Variants in ARMH4 observed in about 807,000 individuals in gnomAD.
The protein encoded by ARMH4 is armadillo like helical domain containing 4.
Under a neutral mutation model 61.9 loss-of-function variants are expected in ARMH4, and 49 were observed. The ratio of observed to expected loss-of-function variants is 0.79; its 90% CI spans 0.63 to 1.00. The LOEUF (loss-of-function observed/expected upper bound fraction) is 1.00, where lower values mean the gene tolerates loss of function less well. ARMH4 is among the 50% of genes least tolerant of loss of function. The pLI, the probability that ARMH4 is intolerant of heterozygous loss-of-function variation, is 0.00. For missense variants in ARMH4, 934 were observed against 930.0 expected (o/e 1.00, Z -0.06); for synonymous variants, 368 against 341.5 (o/e 1.08, Z -0.85).
chr14:58,041,453 A>G (rs1030383993), intron 5 of ARMH4, among the ~76,000 whole-genome samples: 2 of 152,206 alleles, frequency 1.3e-5, no homozygotes, highest in African/African-American at 4.8e-5. Context: ...AACACTAAAC[A>G]TGGAAAGGAA....
intron 2 of ARMH4, 81 bp from the exon 3 acceptor site, chr14:58,133,422 TGGG>T (rs1887195149): frequency 2.5e-6 from 3 of 1,212,504 alleles, no homozygotes; most frequent in Middle Eastern, 3.0e-4. Context: ...ATTAAAAACT[TGGG>T]GGGAGGGGAG....
chr14:58,046,411 C>T (rs546684686), intron 5 of ARMH4, among the ~76,000 whole-genome samples: 1 of 152,280 alleles, frequency 6.6e-6, no homozygotes, highest in South Asian at 2.1e-4. Flanking sequence ...CTTCCAAGAA[C>T]ACTTACAAAA....
At chr14:58,082,867 C>T (rs1328806242) in intron 5 of ARMH4, among the ~76,000 whole-genome samples, 1 of 152,160 alleles carries the variant, frequency 6.6e-6, no homozygotes, top group African/African-American at 2.4e-5. Context: ...TATGTACTGC[C>T]ATCACCCCCT....
intron 6 of ARMH4, among the ~76,000 whole-genome samples, chr14:58,009,836 A>G (rs1003603505): frequency 7.0e-6 from 1 of 143,672 alleles, no homozygotes. Context: ...AAAGAGAGAG[A>G]GAGAGAGATA....
chr14:58,151,987 C>A (rs1254180083), intron 1 of ARMH4, 88 bp downstream of exon 1: 4 of 152,362 alleles, frequency 2.6e-5, no homozygotes, highest in Admixed American at 2.6e-4. Flanking sequence ...AGCGACCCCA[C>A]GCCACTGAGG....
chr14:58,026,802 T>C (rs992028008), intron 5 of ARMH4, among the ~76,000 whole-genome samples: 3 of 152,118 alleles, frequency 2.0e-5, no homozygotes, highest in Admixed American at 6.6e-5. Flanking sequence ...TTATATAAAT[T>C]TGGGGGCTTC....
chr14:58,130,112 G>A (rs566807377), intron 4 of ARMH4, among the ~76,000 whole-genome samples: 1 of 152,146 alleles, frequency 6.6e-6, no homozygotes, highest in Non-Finnish European at 1.5e-5. Context: ...AAGCTGTCAT[G>A]TCTAACTCAG....
At chr14:58,095,759 G>A (rs1195081743) in intron 5 of ARMH4, among the ~76,000 whole-genome samples, 1 of 152,152 alleles carries the variant, frequency 6.6e-6, no homozygotes, top group Non-Finnish European at 1.5e-5. Flanking sequence ...ATTACATCCA[G>A]AGCAAAGGCC....
At chr14:58,132,864 C>T (rs1887162397) in intron 3 of ARMH4, among the ~76,000 whole-genome samples, 1 of 152,138 alleles carries the variant, frequency 6.6e-6, no homozygotes, top group African/African-American at 2.4e-5. Flanking sequence ...GGATTACAGG[C>T]GTGAGCCACT....
At position 58,124,541 on chromosome 14, in the gene ARMH4, T is replaced by G. The variant is rs536317589; in HGVS notation, c.1831+6971A>C. Among the ~76,000 whole-genome samples the G allele has an allele frequency of 3.3e-5, 5 of 152,344 alleles. No homozygotes were observed. The South Asian group carries it at 1.0e-3, about 32-fold the overall frequency. On this transcript the variant is annotated intron_variant, in intron 4 of 7. Transcript: ENST00000267485. ...GACTGCTAAAGGAGACTTGTGGCTGTCAGACAACCGTTTACTTAAATATCA... is the reference window on the plus strand; with the variant it reads ...GACTGCTAAAGGAGACTTGTGGCTGGCAGACAACCGTTTACTTAAATATCA...
Position 58,096,898 on chromosome 14 carries a change from C to G in ARMH4, c.1915G>C (p.Asp639His). Residue 639 changes from aspartate (D) to histidine (H), a missense_variant, in exon 5 of 8, where the codon GAT becomes CAT. By Grantham distance (81) the Asp-to-His change is moderately conservative. Coordinates refer to ENST00000267485, the MANE Select transcript of ARMH4 (RefSeq NM_001001872.4). ...EDEEEDEEDK[D>H]ADSLDEGLDG... Reference sequence around the variant, plus strand: ...AAGCCCTCATCCAGCGAGTCTGCATCTTTATCTTCCTCATCTTCTTCCTCA... The same window carrying G: ...AAGCCCTCATCCAGCGAGTCTGCATGTTTATCTTCCTCATCTTCTTCCTCA... 6.2e-7 allele frequency: 1 copy of G among 1,614,126 alleles called. No individual in the cohort carries two copies. Among genetic ancestry groups the G allele is most frequent in the Non-Finnish European group, 8.5e-7 (1 of 1,180,028 alleles).
At chr14:58,032,062 T>C (rs1313254672) in intron 5 of ARMH4, among the ~76,000 whole-genome samples, 2 of 152,150 alleles carry the variant, frequency 1.3e-5, no homozygotes, top group African/African-American at 4.8e-5. Context: ...CTTCCTTCTG[T>C]CTTCACCTTT....
At chr14:58,071,570 C>T (rs1402448708) in intron 5 of ARMH4, among the ~76,000 whole-genome samples, 1 of 151,978 alleles carries the variant, frequency 6.6e-6, no homozygotes, top group East Asian at 1.9e-4. Flanking sequence ...CTGATAGAAA[C>T]TGAAGCTTTT....
intron 5 of ARMH4, among the ~76,000 whole-genome samples, chr14:58,051,085 C>T (rs1321448259): frequency 2.7e-5 from 4 of 150,620 alleles, no homozygotes; most frequent in African/African-American, 9.8e-5. Flanking sequence ...TGATCAGGCA[C>T]CCATACGAGA....
At chr14:58,099,108 A>G (rs1444387515) in intron 4 of ARMH4, among the ~76,000 whole-genome samples, 1 of 152,210 alleles carries the variant, frequency 6.6e-6, no homozygotes, top group Non-Finnish European at 1.5e-5. Flanking sequence ...GAGTCAAAAC[A>G]AGAATTTGCA....
At position 58,096,917 on chromosome 14, in the gene ARMH4, TTCC is replaced by T. The variant is rs762137652; in HGVS notation, c.1893_1895del (p.Glu633del). On this transcript the variant is annotated inframe_deletion, in exon 5 of 8. Coordinates refer to ENST00000267485, the MANE Select transcript of ARMH4 (RefSeq NM_001001872.4). ...CTGCATCTTTATCTTCCTCATCTTC[TTCC>T]TCATCTTCCTCTTCTTCATCTTCAT... 6.2e-7 allele frequency: 1 copy of T among 1,613,970 alleles called. No individual in the cohort carries two copies. Among genetic ancestry groups the T allele is most frequent in the Non-Finnish European group, 8.5e-7 (1 of 1,179,984 alleles).
At chr14:58,114,604 A>G (rs1036084729) in intron 4 of ARMH4, among the ~76,000 whole-genome samples, 3 of 152,212 alleles carry the variant, frequency 2.0e-5, no homozygotes, top group Admixed American at 1.3e-4. Flanking sequence ...CATTTTATCT[A>G]CTGTAAATAG....
At chr14:58,109,691 A>G (rs1886284739) in intron 4 of ARMH4, among the ~76,000 whole-genome samples, 1 of 152,196 alleles carries the variant, frequency 6.6e-6, no homozygotes, top group East Asian at 1.9e-4. Flanking sequence ...ATGCAATGTA[A>G]AAATAAAATA....
intron 5 of ARMH4, among the ~76,000 whole-genome samples, chr14:58,058,635 C>T (rs1884425885): frequency 6.6e-6 from 1 of 152,126 alleles, no homozygotes; most frequent in Non-Finnish European, 1.5e-5. Context: ...CATGCTAATG[C>T]ATTATAATTA....
Sources: gnomAD v4.1 joint callset for allele counts (sites outside exome capture counted in the v4.1 genomes callset) on GRCh38, gnomAD v4.1.1 for gene constraint, MANE v1.5 for transcripts, NCBI Gene and HGNC (gene_info 2026-07-23, HGNC 2026-07-21) for gene names.